Variants in SLC35D4 observed in about 807,000 individuals in gnomAD.
The protein encoded by SLC35D4 is solute carrier family 35 member D4, also known as UDP-N-acetylglucosamine transporter SLC35D4.
chr18:23,403,954 C>T, the SLC35D4 span, among the ~76,000 whole-genome samples: 1 of 151,934 alleles, frequency 6.6e-6, no homozygotes, highest in Non-Finnish European at 1.5e-5. Context: ...CCCATCTCTC[C>T]TAAAAATACA....
At chr18:23,371,800 T>C in the SLC35D4 span, among the ~76,000 whole-genome samples, 1 of 151,934 alleles carries the variant, frequency 6.6e-6, no homozygotes, top group East Asian at 1.9e-4. Flanking sequence ...TGAATAAGGA[T>C]AACTTGCATT....
the SLC35D4 span, among the ~76,000 whole-genome samples, chr18:23,277,800 G>T: frequency 1.3e-5 from 2 of 152,150 alleles, 1 homozygote; most frequent in South Asian, 4.1e-4. Context: ...TGCTAAACTG[G>T]CCTGGCAGAA....
At chr18:23,340,760 C>T in the SLC35D4 span, among the ~76,000 whole-genome samples, 28 of 152,296 alleles carry the variant, frequency 1.8e-4, no homozygotes, top group African/African-American at 6.5e-4. Context: ...ACAGAGGCAG[C>T]TTTGAAAGGA....
At chr18:23,431,670 T>C in the SLC35D4 span, among the ~76,000 whole-genome samples, 107 of 152,204 alleles carry the variant, frequency 7.0e-4, no homozygotes, top group Non-Finnish European at 2.9e-4. Context: ...TGCTGTGTTT[T>C]AGCATGTTAC....
chr18:23,401,683 C>T, the SLC35D4 span, among the ~76,000 whole-genome samples: 1 of 152,192 alleles, frequency 6.6e-6, no homozygotes, highest in Non-Finnish European at 1.5e-5. Flanking sequence ...GAAACGGCAG[C>T]TGGCCTCACT....
At chr18:23,246,091 C>A in the SLC35D4 span, among the ~76,000 whole-genome samples, 1 of 152,120 alleles carries the variant, frequency 6.6e-6, no homozygotes, top group Non-Finnish European at 1.5e-5. Flanking sequence ...CGGTGTAACC[C>A]TGTCTCTACT....
At chr18:23,266,210 G>T in the SLC35D4 span, among the ~76,000 whole-genome samples, 5 of 152,110 alleles carry the variant, frequency 3.3e-5, no homozygotes, top group East Asian at 1.9e-4. Context: ...GCAGGAAAAG[G>T]TTCCAGAGCT....
At chr18:23,387,915 T>C in the SLC35D4 span, among the ~76,000 whole-genome samples, 3 of 152,234 alleles carry the variant, frequency 2.0e-5, no homozygotes, top group Non-Finnish European at 2.9e-5. Context: ...AGAGATTACA[T>C]ATTTTAAAGT....
At chr18:23,246,552 C>CT in the SLC35D4 span, among the ~76,000 whole-genome samples, 1 of 151,118 alleles carries the variant, frequency 6.6e-6, no homozygotes, top group Non-Finnish European at 1.5e-5. Context: ...CCACCACACC[C>CT]GGCTAATTTT....
At chr18:23,426,830 A>G in the SLC35D4 span, among the ~76,000 whole-genome samples, 1 of 152,192 alleles carries the variant, frequency 6.6e-6, no homozygotes, top group African/African-American at 2.4e-5. Flanking sequence ...ATATAGACCA[A>G]TGGAACAGAA....
At chr18:23,361,024 C>T in the SLC35D4 span, among the ~76,000 whole-genome samples, 1 of 142,472 alleles carries the variant, frequency 7.0e-6, no homozygotes, top group Non-Finnish European at 1.5e-5. Context: ...ATCACTTGAA[C>T]CCAGGAGGCA....
chr18:23,271,340 T>C, the SLC35D4 span, among the ~76,000 whole-genome samples: 7 of 152,210 alleles, frequency 4.6e-5, no homozygotes, highest in African/African-American at 1.7e-4. Context: ...TATTTTTTCA[T>C]AGTAGTATGA....
At chr18:23,429,363 T>G in the SLC35D4 span, among the ~76,000 whole-genome samples, 1 of 152,122 alleles carries the variant, frequency 6.6e-6, no homozygotes, top group Non-Finnish European at 1.5e-5. Context: ...TGTTATTTTT[T>G]GCCTTTTTTT....
At chr18:23,264,688 T>C in the SLC35D4 span, among the ~76,000 whole-genome samples, 3,386 of 150,544 alleles carry the variant, frequency 0.022, 119 homozygotes, top group African/African-American at 0.078. Flanking sequence ...AGACAGGTTC[T>C]CACTCTATTG....
the SLC35D4 span, among the ~76,000 whole-genome samples, chr18:23,256,297 G>A: frequency 1.2e-4 from 19 of 152,118 alleles, no homozygotes; most frequent in African/African-American, 4.1e-4. Context: ...TAGTTGGGTG[G>A]GCACGCAAGA....
At chr18:23,304,314 A>G in the SLC35D4 span, among the ~76,000 whole-genome samples, 23 of 148,152 alleles carry the variant, frequency 1.6e-4, no homozygotes, top group Admixed American at 1.6e-3. Context: ...TTAGATAAAC[A>G]CTATGAAAGT....
chr18:23,280,100 A>C, the SLC35D4 span, among the ~76,000 whole-genome samples: 1 of 152,368 alleles, frequency 6.6e-6, no homozygotes, highest in Non-Finnish European at 1.5e-5. Context: ...GCATGCTGAT[A>C]AGCAATGGGC....
chr18:23,252,633 G>A, the SLC35D4 span, among the ~76,000 whole-genome samples: 6 of 152,244 alleles, frequency 3.9e-5, no homozygotes, highest in East Asian at 1.9e-4. Flanking sequence ...AGCCCCACGC[G>A]CTTAAGCCCC....
the SLC35D4 span, among the ~76,000 whole-genome samples, chr18:23,279,984 T>A: frequency 6.6e-6 from 1 of 152,142 alleles, no homozygotes; most frequent in Non-Finnish European, 1.5e-5. Context: ...GGATTACAGG[T>A]GTGAGTCACT....
Sources: gnomAD v4.1 joint callset for allele counts (sites outside exome capture counted in the v4.1 genomes callset) on GRCh38, gnomAD v4.1.1 for gene constraint, MANE v1.5 for transcripts, NCBI Gene and HGNC (gene_info 2026-07-23, HGNC 2026-07-21) for gene names.